The following NAALADL2 variants were observed in gnomAD, a reference collection of about 807,000 sequenced individuals.
NAALADL2 encodes the protein N-acetylated alpha-linked acidic dipeptidase like 2.
Under a neutral mutation model 87.2 loss-of-function variants are expected in NAALADL2, and 76 were observed. The ratio of observed to expected loss-of-function variants is 0.87; its 90% CI spans 0.72 to 1.05. NAALADL2 has a LOEUF of 1.05. Among genes scored for constraint, NAALADL2 ranks in the 50% least tolerant of loss-of-function variants. NAALADL2 has a pLI of 0.00. For synonymous variants in NAALADL2, 354 were observed against 331.0 expected (o/e 1.07, Z -0.75); for missense variants, 1,089 against 945.8 (o/e 1.15, Z -1.99).
chr3:175,130,611 T>A (rs1727676849), intron 2 of NAALADL2, among the ~76,000 whole-genome samples: 1 of 152,196 alleles, frequency 6.6e-6, no homozygotes, highest in Admixed American at 6.5e-5. Context: ...ATCTTTTCTC[T>A]ATTGTGTATT....
At chr3:175,575,074 C>T (rs1718667584) in intron 9 of NAALADL2, among the ~76,000 whole-genome samples, 1 of 152,048 alleles carries the variant, frequency 6.6e-6, no homozygotes, top group Admixed American at 6.6e-5. Context: ...TTTCGTAAAG[C>T]TGCTGTCATT....
chr3:174,850,111 T>C (rs2109470226), intron 3 of NAALADL2, among the ~76,000 whole-genome samples: 1 of 152,322 alleles, frequency 6.6e-6, no homozygotes, highest in African/African-American at 2.4e-5. Flanking sequence ...CCTCAGCTTT[T>C]GTTTGTCTGG....
At chr3:175,369,275 T>TTACA (rs1310780236) in intron 5 of NAALADL2, among the ~76,000 whole-genome samples, 1 of 151,990 alleles carries the variant, frequency 6.6e-6, no homozygotes, top group African/African-American at 2.4e-5. Flanking sequence ...AATGTTACAT[T>TTACA]TACATACACC....
chr3:174,814,119 A>AT (rs869104537), intron 3 of NAALADL2, among the ~76,000 whole-genome samples: 1 of 144,768 alleles, frequency 6.9e-6, no homozygotes, highest in Non-Finnish European at 1.5e-5. Context: ...TTATTTATTT[A>AT]TTTTTTTGAG....
intron 9 of NAALADL2, among the ~76,000 whole-genome samples, chr3:175,482,383 TG>T (rs774832516): frequency 1.2e-4 from 16 of 134,170 alleles, no homozygotes; most frequent in Non-Finnish European, 1.5e-4. Flanking sequence ...AGACTGCAGA[TG>T]TAGAGATTAT....
intron 2 of NAALADL2, among the ~76,000 whole-genome samples, chr3:175,106,076 T>C (rs1434324377): frequency 6.6e-6 from 1 of 152,058 alleles, no homozygotes; most frequent in African/African-American, 2.4e-5. Flanking sequence ...ATTCCATCTC[T>C]CTTCTCCTCA....
intron 2 of NAALADL2, among the ~76,000 whole-genome samples, chr3:174,671,144 CTT>C (rs1409518307): frequency 7.2e-5 from 11 of 152,074 alleles, no homozygotes; most frequent in Admixed American, 7.2e-4. Context: ...AATTAAACCT[CTT>C]TTCTTTATAA....
intron 3 of NAALADL2, among the ~76,000 whole-genome samples, chr3:174,794,635 G>A (rs11707562): frequency 0.13 from 19,449 of 151,978 alleles, 1,446 homozygotes; most frequent in Non-Finnish European, 0.16. Flanking sequence ...TAGACACTAC[G>A]GCTCTTCCCA....
chr3:175,786,263 G>T (rs1365237542), intron 13 of NAALADL2, among the ~76,000 whole-genome samples: 1 of 151,806 alleles, frequency 6.6e-6, no homozygotes, highest in African/African-American at 2.4e-5. Flanking sequence ...GCTAGATTGG[G>T]GAAGTTCTCC....
At chr3:175,455,499 T>C (rs1722195490) in intron 6 of NAALADL2, among the ~76,000 whole-genome samples, 1 of 152,112 alleles carries the variant, frequency 6.6e-6, no homozygotes, top group African/African-American at 2.4e-5. Context: ...TTTTTTCTCA[T>C]ATTCGTATTA....
In NAALADL2 at chr3:174,799,516, C is replaced by T. The variant is rs567108973; in HGVS notation, c.-9+61770C>T. Among the ~76,000 whole-genome samples, 5 of 152,282 alleles carry T rather than the reference C, an allele frequency of 3.3e-5. No homozygotes were observed. In the East Asian group the frequency reaches 7.7e-4, roughly 24 times the overall value. ...TCCATGTAAGATGTGACTTGCTCCT[C>T]CTTGCCTTCCACCATGACTGTGAAG... On this transcript the variant is annotated intron_variant, in intron 3 of 3. Transcript: ENST00000434257.
intron 1 of NAALADL2, among the ~76,000 whole-genome samples, chr3:174,897,076 A>AT (rs1731633685): frequency 6.6e-6 from 1 of 152,182 alleles, no homozygotes; most frequent in Non-Finnish European, 1.5e-5. Context: ...ACAAGAAAAC[A>AT]TTGTGGAACT....
intron 3 of NAALADL2, among the ~76,000 whole-genome samples, chr3:174,847,157 A>G (rs1489442512): frequency 6.6e-6 from 1 of 152,196 alleles, no homozygotes; most frequent in Non-Finnish European, 1.5e-5. Flanking sequence ...TAAGCACAAA[A>G]GAATCTTGTT....
chr3:175,131,169 TTA>T (rs1317505315), intron 2 of NAALADL2, among the ~76,000 whole-genome samples: 130 of 144,430 alleles, frequency 9.0e-4, no homozygotes, highest in Admixed American at 1.5e-3. Context: ...TTTTTTTTTT[TTA>T]ATTGTTCATT....
At chr3:174,869,535 G>T (rs767246597) in intron 1 of NAALADL2, among the ~76,000 whole-genome samples, 4 of 152,202 alleles carry the variant, frequency 2.6e-5, no homozygotes, top group Middle Eastern at 3.4e-3. Context: ...TGACAAATTC[G>T]CTGGATTACA....
chr3:175,547,008 G>A (rs1713448404), intron 9 of NAALADL2, among the ~76,000 whole-genome samples: 1 of 152,064 alleles, frequency 6.6e-6, no homozygotes, highest in African/African-American at 2.4e-5. Context: ...GCAATTTATG[G>A]ATTCAATGCC....
intron 2 of NAALADL2, among the ~76,000 whole-genome samples, chr3:174,695,465 G>T (rs1728938932): frequency 6.6e-6 from 1 of 151,690 alleles, no homozygotes; most frequent in Non-Finnish European, 1.5e-5. Context: ...GTCCTTTTGA[G>T]TCTCTCTCTC....
At chr3:175,641,312 G>A (rs1301959623) in intron 11 of NAALADL2, among the ~76,000 whole-genome samples, 2 of 152,120 alleles carry the variant, frequency 1.3e-5, no homozygotes, top group Non-Finnish European at 2.9e-5. Context: ...CTTTTTGTAA[G>A]TTGTAAAATT....
intron 11 of NAALADL2, among the ~76,000 whole-genome samples, chr3:175,677,780 G>A (rs1560961891): frequency 6.6e-6 from 1 of 152,136 alleles, no homozygotes; most frequent in Non-Finnish European, 1.5e-5. Flanking sequence ...CATAGGCAAA[G>A]TGAAGTGAAG....
Sources: gnomAD v4.1 joint callset for allele counts (sites outside exome capture counted in the v4.1 genomes callset) on GRCh38, gnomAD v4.1.1 for gene constraint, MANE v1.5 for transcripts, NCBI Gene and HGNC (gene_info 2026-07-23, HGNC 2026-07-21) for gene names.